CNIH3: variants seen among roughly 807,000 people sequenced by gnomAD.
CNIH3 encodes the protein protein cornichon homolog 3.
In CNIH3, 14 loss-of-function variants were observed where a neutral mutation model predicts 24.1. The observed-to-expected ratio is 0.58, with a 90% CI of 0.38 to 0.91. The LOEUF is 0.91. CNIH3 is among the 40% of genes least tolerant of loss of function. The pLI, the probability that CNIH3 is intolerant of heterozygous loss-of-function variation, is 0.00. For missense variants in CNIH3, 178 were observed against 196.8 expected (o/e 0.90, Z 0.57); for synonymous variants, 68 against 73.8 (o/e 0.92, Z 0.40).
At chr1:224,715,985 A>G (rs539798433) in intron 3 of CNIH3, among the ~76,000 whole-genome samples, 2 of 152,258 alleles carry the variant, frequency 1.3e-5, no homozygotes, top group Admixed American at 6.5e-5. Flanking sequence ...TCTCCTCCCA[A>G]TGCTGCTGCT....
At chr1:224,607,389 G>A (rs1408826514) in intron 3 of CNIH3, among the ~76,000 whole-genome samples, 1 of 152,090 alleles carries the variant, frequency 6.6e-6, no homozygotes, top group Non-Finnish European at 1.5e-5. Flanking sequence ...AGGCAGCAGG[G>A]GAAAGAAGAA....
chr1:224,719,328 C>T (rs1688595263), intron 3 of CNIH3, among the ~76,000 whole-genome samples: 3 of 152,032 alleles, frequency 2.0e-5, no homozygotes. Context: ...TGCTGACACA[C>T]AAAATGGTCA....
intron 3 of CNIH3, among the ~76,000 whole-genome samples, chr1:224,700,679 C>T (rs1031295645): frequency 5.9e-5 from 9 of 152,158 alleles, no homozygotes; most frequent in African/African-American, 2.2e-4. Flanking sequence ...TACTTTCTCC[C>T]ATCATTCTCC....
At chr1:224,706,039 G>A (rs934661387) in intron 3 of CNIH3, among the ~76,000 whole-genome samples, 7 of 151,612 alleles carry the variant, frequency 4.6e-5, no homozygotes, top group Admixed American at 6.6e-5. Flanking sequence ...TTTTCTTTCC[G>A]CAGCTAGACC....
intron 1 of CNIH3, among the ~76,000 whole-genome samples, chr1:224,453,894 C>T (rs1023063441): frequency 6.6e-6 from 1 of 152,140 alleles, no homozygotes; most frequent in African/African-American, 2.4e-5. Flanking sequence ...TCCTCCCTCC[C>T]CTCAACAGAA....
intron 1 of CNIH3, among the ~76,000 whole-genome samples, chr1:224,454,511 C>T (rs1026401700): frequency 1.3e-5 from 2 of 152,126 alleles, no homozygotes. Context: ...AGGAATGTTT[C>T]CTCTGTAGTT....
chr1:224,600,892 G>C (rs6689432), intron 3 of CNIH3, among the ~76,000 whole-genome samples: 3,510 of 152,272 alleles, frequency 0.023, 144 homozygotes, highest in African/African-American at 0.08. Context: ...GTGCACAGAA[G>C]AAAGGTTATG....
At chr1:224,639,290 G>C (rs1220904548) in intron 1 of CNIH3, among the ~76,000 whole-genome samples, 1 of 152,238 alleles carries the variant, frequency 6.6e-6, no homozygotes, top group Non-Finnish European at 1.5e-5. Flanking sequence ...TTCAGACCTG[G>C]ATGGGGTCCT....
upstream of CNIH3, among the ~76,000 whole-genome samples, chr1:224,614,207 C>T (rs1035057169): frequency 4.6e-5 from 7 of 152,180 alleles, no homozygotes; most frequent in Non-Finnish European, 8.8e-5. Context: ...AATGCAAGAA[C>T]GGCCTAATAC....
chr1:224,553,929 T>A (rs895956070), intron 3 of CNIH3, among the ~76,000 whole-genome samples: 1 of 151,418 alleles, frequency 6.6e-6, no homozygotes, highest in Admixed American at 6.6e-5. Flanking sequence ...TTCGTACCTC[T>A]GTAGAACAAA....
intron 1 of CNIH3, among the ~76,000 whole-genome samples, chr1:224,471,572 A>C (rs1330046496): frequency 6.6e-6 from 1 of 151,608 alleles, no homozygotes; most frequent in Admixed American, 6.6e-5. Context: ...TGTTGTTGCA[A>C]ATGACAGAAT....
intron 1 of CNIH3, among the ~76,000 whole-genome samples, chr1:224,498,734 T>C (rs1220809141): frequency 2.6e-5 from 4 of 152,152 alleles, no homozygotes. Context: ...GGCAGCCAGG[T>C]TACCATGCGC....
intron 1 of CNIH3, among the ~76,000 whole-genome samples, chr1:224,646,531 G>A (rs187478748): frequency 2.0e-5 from 3 of 152,238 alleles, no homozygotes; most frequent in East Asian, 3.9e-4. Flanking sequence ...TTAACCTCCC[G>A]AGTAGCTGGG....
At chr1:224,692,929 G>A (rs1257485421) in intron 3 of CNIH3, among the ~76,000 whole-genome samples, 1 of 152,188 alleles carries the variant, frequency 6.6e-6, no homozygotes, top group African/African-American at 2.4e-5. Context: ...AGGGCCTCAG[G>A]GAGCCTGTAA....
chr1:224,689,985 T>A (rs1686851153), intron 3 of CNIH3, among the ~76,000 whole-genome samples: 1 of 152,086 alleles, frequency 6.6e-6, no homozygotes, highest in Non-Finnish European at 1.5e-5. Context: ...TTGGTGTGAC[T>A]GCCGCTTTTG....
chr1:224,448,192 G>A (rs779716035), intron 1 of CNIH3, among the ~76,000 whole-genome samples: 7 of 152,106 alleles, frequency 4.6e-5, no homozygotes, highest in Non-Finnish European at 8.8e-5. Context: ...AGCTGTGATC[G>A]TGCCACTGTA....
At chr1:224,672,055 G>A (rs981425316) in intron 1 of CNIH3, among the ~76,000 whole-genome samples, 1 of 152,188 alleles carries the variant, frequency 6.6e-6, no homozygotes, top group Admixed American at 6.5e-5. Context: ...TTCCTCTCCA[G>A]TGGAGCTCTT....
chr1:224,473,271 G>A lies in CNIH3; in HGVS notation n.203+38409G>A, dbSNP rs565446896. On this transcript the variant is annotated intron_variant and non_coding_transcript_variant, in intron 1 of 5. Coordinates refer to the CNIH3 transcript ENST00000471578. ...AGGAAGACAGGAAGGAAGGAAATAA[G>A]AGAAGACCATAAAACAACCAGGAAA... 2.0e-5 allele frequency among the ~76,000 whole-genome samples: 3 copies of A among 152,126 alleles called. No individual in the cohort carries two copies. In the South Asian group the frequency reaches 6.2e-4, roughly 32 times the overall value.
intron 1 of CNIH3, among the ~76,000 whole-genome samples, chr1:224,468,649 C>A (rs923017823): frequency 2.0e-5 from 3 of 151,668 alleles, no homozygotes; most frequent in Non-Finnish European, 4.4e-5. Context: ...GTTTTTCTTT[C>A]TTTATTGCAT....
Sources: gnomAD v4.1 joint callset for allele counts (sites outside exome capture counted in the v4.1 genomes callset) on GRCh38, gnomAD v4.1.1 for gene constraint, MANE v1.5 for transcripts, NCBI Gene and HGNC (gene_info 2026-07-23, HGNC 2026-07-21) for gene names.